VPS35L: variants seen among roughly 807,000 people sequenced by gnomAD.
The protein encoded by VPS35L is VPS35 endosomal protein sorting factor like.
Under a neutral mutation model 133.0 loss-of-function variants are expected in VPS35L, and 83 were observed. The observed-to-expected ratio is 0.62, with a 90% CI of 0.52 to 0.75. The LOEUF is 0.75. VPS35L is among the 30% of genes least tolerant of loss of function. The pLI, the probability that VPS35L is intolerant of heterozygous loss-of-function variation, is 0.00. For synonymous variants in VPS35L, 423 were observed against 449.9 expected, an observed-to-expected ratio of 0.94 and a Z score of 0.76; for missense variants, 1,083 against 1,206.8, an observed-to-expected ratio of 0.90 and a Z score of 1.52.
At chr16:19,628,796 T>TA in intron 17 of VPS35L, 43 bp downstream of exon 17, 1 of 890,112 alleles carries the variant, frequency 1.1e-6, no homozygotes, top group Non-Finnish European at 1.5e-6. Flanking sequence ...TTTATTTATT[T>TA]ATTTATTTAT....
chr16:19,680,407 T>C (rs1048511865), intron 27 of VPS35L, among the ~76,000 whole-genome samples: 2 of 152,234 alleles, frequency 1.3e-5, no homozygotes, highest in South Asian at 2.1e-4. Flanking sequence ...ACCATCCACA[T>C]TGAGTTCCTG....
rs34915399 is a variant in VPS35L, at chr16:19,638,235, C to G, written c.1698+579C>G. ...TCCAGGTTCCATTTACATGTGCTCA[C>G]AAGATTGTAAGATTTTTTATTTTAA... On this transcript the variant is annotated intron_variant, in intron 20 of 30. Transcript: ENST00000417362. 2.2e-4 allele frequency among the ~76,000 whole-genome samples: 34 copies of G among 152,142 alleles called. No individual in the cohort carries two copies. The East Asian group carries it at 6.6e-3, about 29-fold the overall frequency.
intron 6 of VPS35L, among the ~76,000 whole-genome samples, chr16:19,581,271 C>A (rs1389221599): frequency 6.6e-6 from 1 of 152,092 alleles, no homozygotes; most frequent in Non-Finnish European, 1.5e-5. Context: ...TACTTGGTGT[C>A]CAAGCTGGGA....
In VPS35L at chr16:19,579,046, G is replaced by C; in HGVS notation, c.434-6G>C. 5.6e-6 allele frequency: 9 copies of C among 1,613,910 alleles called. No individual in the cohort carries two copies. The highest frequency in any genetic ancestry group is 7.6e-6 in the Non-Finnish European group (9 of 1,179,968). On this transcript the variant is annotated splice_polypyrimidine_tract_variant and splice_region_variant and intron_variant, in intron 5 of 30. Coordinates refer to ENST00000417362, the MANE Select transcript of VPS35L (RefSeq NM_020314.7). ...CACCTGTGTGACGTAAATTCATTCTGTTTAGGCAAAGCTGGGACTGCCACA... is the reference window on the plus strand; with the variant it reads ...CACCTGTGTGACGTAAATTCATTCTCTTTAGGCAAAGCTGGGACTGCCACA...
At chr16:19,585,605 G>A (rs7198671) in intron 7 of VPS35L, among the ~76,000 whole-genome samples, 18,314 of 151,678 alleles carry the variant, frequency 0.12, 1,269 homozygotes, top group Middle Eastern at 0.18. Context: ...GGGCCATGCT[G>A]TGTTGCTCAG....
At chr16:19,606,002 G>A (rs116035889) in intron 9 of VPS35L, among the ~76,000 whole-genome samples, 3,892 of 152,302 alleles carry the variant, frequency 0.026, 174 homozygotes, top group African/African-American at 0.089. Context: ...TTAGTTTGCT[G>A]TAAGATTTTA....
intron 22 of VPS35L, among the ~76,000 whole-genome samples, chr16:19,644,407 G>C (rs753058026): frequency 6.6e-6 from 1 of 152,204 alleles, no homozygotes; most frequent in South Asian, 2.1e-4. Context: ...AAATATTTCT[G>C]TTTCCTTTTT....
At chr16:19,592,440 G>A (rs1049360060) in intron 8 of VPS35L, among the ~76,000 whole-genome samples, 1 of 151,918 alleles carries the variant, frequency 6.6e-6, no homozygotes, top group African/African-American at 2.4e-5. Context: ...GCAGGCTGGG[G>A]GCACTAAGCA....
chr16:19,635,576 G>A (rs1377859896), intron 19 of VPS35L, among the ~76,000 whole-genome samples: 1 of 152,172 alleles, frequency 6.6e-6, no homozygotes, highest in Non-Finnish European at 1.5e-5. Context: ...GCTTGGAAAT[G>A]GGTGATAGAT....
At chr16:19,664,105 C>G (rs1439218239) in intron 26 of VPS35L, among the ~76,000 whole-genome samples, 1 of 151,980 alleles carries the variant, frequency 6.6e-6, no homozygotes, top group Non-Finnish European at 1.5e-5. Context: ...GATATTTTGC[C>G]AGTGAGCATC....
At chr16:19,575,962 C>A (rs919172254) in intron 5 of VPS35L, among the ~76,000 whole-genome samples, 5 of 147,438 alleles carry the variant, frequency 3.4e-5, no homozygotes, top group African/African-American at 1.3e-4. Flanking sequence ...TCGAGACCAG[C>A]CTGGCCAACA....
In VPS35L at chr16:19,616,185, C is replaced by T. The variant is rs1205757156; in HGVS notation, c.1095C>T (p.Phe365=). The T allele has an allele frequency of 1.2e-6, 2 of 1,608,112 alleles. No homozygotes were observed. Among genetic ancestry groups the T allele is most frequent in the South Asian group, 2.2e-5 (2 of 90,770 alleles). Residue 365 remains phenylalanine (F), a synonymous_variant, in exon 13 of 31, where the codon TTC becomes TTT. Coordinates refer to ENST00000417362, the MANE Select transcript of VPS35L (RefSeq NM_020314.7). ...ACTTTTTTGACTTCCTCCTTACGTT[C>T]AAACAGGTAAGAGAACACTATCAGA... The part of the protein sequence containing the change: ...NKNFFDFLLT[F]KQIHGDTVQN...
chr16:19,559,125 C>T (rs889606173), intron 1 of VPS35L, among the ~76,000 whole-genome samples: 6 of 152,030 alleles, frequency 3.9e-5, no homozygotes, highest in African/African-American at 1.5e-4. Context: ...TTGGTGTTTC[C>T]AGTATAAGGA....
chr16:19,645,120 G>A (rs1182263244), intron 23 of VPS35L, among the ~76,000 whole-genome samples, 171 bp downstream of exon 23: 1 of 151,746 alleles, frequency 6.6e-6, no homozygotes, highest in African/African-American at 2.4e-5. Flanking sequence ...GGGGCAAAGA[G>A]AGCCAAGACA....
At chr16:19,648,274 G>T (rs901178634) in intron 24 of VPS35L, among the ~76,000 whole-genome samples, 4 of 152,012 alleles carry the variant, frequency 2.6e-5, no homozygotes, top group African/African-American at 4.8e-5. Flanking sequence ...CTTAATCTGG[G>T]TTTTTTCTGG....
At chr16:19,683,425 A>T (rs561865948) in intron 28 of VPS35L, among the ~76,000 whole-genome samples, 1 of 152,348 alleles carries the variant, frequency 6.6e-6, no homozygotes, top group African/African-American at 2.4e-5. Context: ...CCCAATAGGT[A>T]GTTTTTCAGC....
Position 19,650,363 on chromosome 16 carries a change from A to AT in VPS35L, c.2029-15dup. The AT allele has an allele frequency of 6.3e-7, 1 of 1,588,948 alleles. No individual in the cohort carries two copies. The highest frequency in any genetic ancestry group is 8.6e-7 in the Non-Finnish European group (1 of 1,157,296). Reference sequence around the variant, plus strand: ...CGGCCATCGCTTCATTACCATTTCTATTTTATTAATAAATTCAGAGTGTGA... The same window carrying AT: ...CGGCCATCGCTTCATTACCATTTCTATTTTTATTAATAAATTCAGAGTGTGA... On this transcript the variant is annotated intron_variant, in intron 24 of 30. Coordinates refer to ENST00000417362, the MANE Select transcript of VPS35L (RefSeq NM_020314.7).
In VPS35L at chr16:19,633,194, TTTCAACA is replaced by T; in HGVS notation, c.1635+25_1635+31del. The T allele has an allele frequency of 6.2e-7, 1 of 1,607,016 alleles. No homozygotes were observed. Among genetic ancestry groups the T allele is most frequent in the Non-Finnish European group, 8.5e-7 (1 of 1,173,484 alleles). On this transcript the variant is annotated intron_variant, in intron 19 of 30. Coordinates refer to ENST00000417362, the MANE Select transcript of VPS35L (RefSeq NM_020314.7). The surrounding 1 kb of genome is among the most constrained non-coding windows in gnomAD (Gnocchi z 4.1). ...CCAGGTAACAGATTTGCATTTCTCATTTCAACATTGTTAGGAATTTTGTTCTGTTGAA... is the reference window on the plus strand; with the variant it reads ...CCAGGTAACAGATTTGCATTTCTCATTTGTTAGGAATTTTGTTCTGTTGAA...
At chr16:19,696,309 T>G (rs1054032587) in intron 29 of VPS35L, among the ~76,000 whole-genome samples, 1 of 152,136 alleles carries the variant, frequency 6.6e-6, no homozygotes, top group Admixed American at 6.5e-5. Context: ...AAGGGCCTGG[T>G]GGATTTCTCC....
Sources: gnomAD v4.1 joint callset for allele counts (sites outside exome capture counted in the v4.1 genomes callset) on GRCh38, gnomAD v4.1.1 for gene constraint, Gnocchi (gnomAD v3.1) non-coding constraint, MANE v1.5 for transcripts, NCBI Gene and HGNC (gene_info 2026-07-23, HGNC 2026-07-21) for gene names.